The following PRCC variants were observed in gnomAD, a reference collection of about 807,000 sequenced individuals.
PRCC encodes the protein proline rich mitotic checkpoint control factor, also known as proline-rich protein PRCC.
Under a neutral mutation model 44.0 loss-of-function variants are expected in PRCC, and 10 were observed. The observed-to-expected ratio is 0.23, with a 90% CI of 0.14 to 0.39. PRCC has a LOEUF of 0.39. PRCC is among the 10% of genes least tolerant of loss of function. The pLI, the probability that PRCC is intolerant of heterozygous loss-of-function variation, is 1.00. For synonymous variants in PRCC, 278 were observed against 259.5 expected (o/e 1.07, Z -0.69); for missense variants, 573 against 624.7 (o/e 0.92, Z 0.88).
rs114754709 is a variant in PRCC, at chr1:156,771,606, G to A, written c.468+3367G>A. ...GTGTTGCCATTTATTGAGGGAATAC[G>A]GGAGGCAGAGCAGATTGGGGGTTAG... On this transcript the variant is annotated intron_variant, in intron 1 of 6. Coordinates refer to ENST00000271526, the MANE Select transcript of PRCC (RefSeq NM_005973.5). 1.6e-3 allele frequency among the ~76,000 whole-genome samples: 246 copies of A among 152,344 alleles called. 1 individual carries two copies. The highest frequency in any genetic ancestry group is 5.7e-3 in the African/African-American group (238 of 41,570).
chr1:156,792,777 G>T (rs1465311855), intron 4 of PRCC, among the ~76,000 whole-genome samples: 2 of 152,168 alleles, frequency 1.3e-5, no homozygotes, highest in African/African-American at 2.4e-5. Context: ...TTGTAAGGGG[G>T]TCTAGGAAAT....
chr1:156,800,254 G>T (rs1452755011), intron 6 of PRCC, 120 bp from the exon 7 acceptor site: 8 of 868,942 alleles, frequency 9.2e-6, no homozygotes, highest in African/African-American at 1.7e-5. Flanking sequence ...GGGGTTTGCA[G>T]TTCCCCCATA....
chr1:156,778,807 A>G (rs1651922998), intron 1 of PRCC, among the ~76,000 whole-genome samples: 1 of 141,132 alleles, frequency 7.1e-6, no homozygotes, highest in African/African-American at 2.7e-5. Context: ...GTCATATGGC[A>G]ATTTTTTTTT....
intron 2 of PRCC, among the ~76,000 whole-genome samples, chr1:156,785,914 C>T (rs1033183472): frequency 2.6e-5 from 4 of 151,040 alleles, no homozygotes; most frequent in Non-Finnish European, 4.4e-5. Context: ...TGGGTTCAAG[C>T]GATTCTTCTG....
At chr1:156,771,745 G>A (rs934948160) in intron 1 of PRCC, among the ~76,000 whole-genome samples, 2 of 150,978 alleles carry the variant, frequency 1.3e-5, no homozygotes, top group African/African-American at 4.9e-5. Flanking sequence ...TGCCCAGGCT[G>A]GTCTTGAACT....
intron 3 of PRCC, among the ~76,000 whole-genome samples, chr1:156,790,863 A>G (rs1176838332): frequency 6.6e-6 from 1 of 152,226 alleles, no homozygotes. Flanking sequence ...TTTATATATT[A>G]TTTTATGTAG....
intron 1 of PRCC, among the ~76,000 whole-genome samples, chr1:156,774,152 G>T: frequency 1.2e-5 from 1 of 85,750 alleles, no homozygotes; most frequent in Non-Finnish European, 2.4e-5. Flanking sequence ...CTTTTTTTGA[G>T]TCACCTTTTT....
chr1:156,768,415 G>A lies in PRCC; in HGVS notation c.468+176G>A, dbSNP rs541198747. 3.2e-4 allele frequency among the ~76,000 whole-genome samples: 48 copies of A among 152,302 alleles called. 1 individual carries two copies. The highest frequency in any genetic ancestry group is 1.6e-3 in the Admixed American group (25 of 15,300). ...AAGTTGGTCAACTTGGGGGAGTTTG[G>A]GTGTTTGCCCATGTGGGTTTCCTGA... On this transcript the variant is annotated intron_variant, in intron 1 of 6. Coordinates refer to ENST00000271526, the MANE Select transcript of PRCC (RefSeq NM_005973.5).
At chr1:156,780,524 G>A (rs1310929711) in intron 1 of PRCC, among the ~76,000 whole-genome samples, 2 of 150,626 alleles carry the variant, frequency 1.3e-5, no homozygotes, top group Non-Finnish European at 2.9e-5. Context: ...ACATGATCAC[G>A]GCTTGCTGCA....
intron 3 of PRCC, among the ~76,000 whole-genome samples, chr1:156,788,659 C>CTTTT (rs58867718): frequency 3.1e-5 from 3 of 95,270 alleles, no homozygotes; most frequent in African/African-American, 7.6e-5. Flanking sequence ...TTGCCAGCAT[C>CTTTT]TTTTTTTTTT....
intron 6 of PRCC, 59 bp from the exon 7 acceptor site, chr1:156,800,315 A>G: frequency 6.6e-7 from 1 of 1,516,638 alleles, no homozygotes; most frequent in East Asian, 2.3e-5. Context: ...CAGAGGCAAG[A>G]GGACAGCGTT....
chr1:156,788,734 C>T (rs1652368936), intron 3 of PRCC, among the ~76,000 whole-genome samples: 1 of 146,486 alleles, frequency 6.8e-6, no homozygotes, highest in Non-Finnish European at 1.5e-5. Context: ...GCGATCTCAG[C>T]TCGCCGCAAC....
intron 3 of PRCC, chr1:156,791,293 C>A: frequency 1.6e-6 from 1 of 612,812 alleles, no homozygotes; most frequent in Non-Finnish European, 2.8e-6. Context: ...ATGACGTATA[C>A]CTTCTCGTCC....
chr1:156,780,724 C>T (rs1280550066), intron 1 of PRCC, among the ~76,000 whole-genome samples: 1 of 151,936 alleles, frequency 6.6e-6, no homozygotes, highest in Non-Finnish European at 1.5e-5. Context: ...CTTATACTGC[C>T]TTTTATTTTT....
rs1652411147 is a variant in PRCC at position 156,789,719 on chromosome 1, CTCAGATTCT to C, written c.1084-1973_1084-1965del. On this transcript the variant is annotated intron_variant, in intron 3 of 6. Transcript: ENST00000271526. Reference sequence around the variant, plus strand: ...AAGTTACTTAACTGGCTCTCTCAGTCTCAGATTCTTCAGGTGTAAAATGGGATATCAGAG... The same window carrying C: ...AAGTTACTTAACTGGCTCTCTCAGTCTCAGGTGTAAAATGGGATATCAGAG... Among the ~76,000 whole-genome samples, 4 of 152,164 alleles carry C rather than the reference CTCAGATTCT, an allele frequency of 2.6e-5. No homozygotes were observed. In the South Asian group the frequency reaches 8.3e-4, roughly 31 times the overall value.
chr1:156,768,114 C>T lies in PRCC; in HGVS notation c.343C>T (p.Pro115Ser). The change falls in exon 1 of 7, where the codon CCC (proline) becomes TCC (serine). Residue 115 changes from proline to serine, a missense_variant. Pro to Ser is a moderately conservative substitution (Grantham distance 74). Coordinates refer to ENST00000271526, the MANE Select transcript of PRCC (RefSeq NM_005973.5). ...GEGLGLGLPS[P>S]RGPGLNLPPP... ...GGGACTGGGATTGGGGTTGCCCTCGCCCCGAGGCCCTGGCCTCAATCTGCC... is the reference window on the plus strand; with the variant it reads ...GGGACTGGGATTGGGGTTGCCCTCGTCCCGAGGCCCTGGCCTCAATCTGCC... 3 of 1,578,900 alleles carry T rather than the reference C, an allele frequency of 1.9e-6. No homozygotes were observed. The highest frequency in any genetic ancestry group is 1.3e-5 in the African/African-American group (1 of 74,578).
At chr1:156,792,467 G>C (rs1355138348) in intron 4 of PRCC, among the ~76,000 whole-genome samples, 3 of 151,716 alleles carry the variant, frequency 2.0e-5, no homozygotes, top group Non-Finnish European at 4.4e-5. Context: ...TGTTTGTTTT[G>C]AGCAGAGTCT....
At chr1:156,777,297 A>G (rs777925096) in intron 1 of PRCC, among the ~76,000 whole-genome samples, 3 of 152,104 alleles carry the variant, frequency 2.0e-5, no homozygotes, top group Non-Finnish European at 4.4e-5. Flanking sequence ...ACTGGTTCTG[A>G]TCCTGGTTCT....
In PRCC at chr1:156,768,044, C is replaced by G. The variant is rs768495458; in HGVS notation, c.273C>G (p.Pro91=). ...TGCCCTTCGGCCTGGGAGGCTTCCCCCCACCTCCAGGCGTGAGCCCGGCTG... is the reference window on the plus strand; with the variant it reads ...TGCCCTTCGGCCTGGGAGGCTTCCCGCCACCTCCAGGCGTGAGCCCGGCTG... The part of the protein sequence containing the change: ...PPLPFGLGGF[P]PPPGVSPAEA... The change falls in exon 1 of 7, where the codon CCC becomes CCG. Residue 91 remains proline (P), a synonymous_variant. Transcript: ENST00000271526. 4 of 1,580,914 alleles carry G rather than the reference C, an allele frequency of 2.5e-6. No individual in the cohort carries two copies. Among genetic ancestry groups the G allele is most frequent in the Non-Finnish European group, 3.4e-6 (4 of 1,162,370 alleles).
Sources: allele counts gnomAD v4.1 joint callset (sites outside exome capture counted in the v4.1 genomes callset), GRCh38; gene constraint gnomAD v4.1.1; transcripts MANE v1.5; gene names NCBI Gene and HGNC (gene_info 2026-07-23, HGNC 2026-07-21).